CACNA1A: variants seen among roughly 807,000 people sequenced by gnomAD.
The protein encoded by CACNA1A is voltage-dependent P/Q-type calcium channel subunit alpha-1A.
Under a neutral mutation model 262.4 loss-of-function variants are expected in CACNA1A, and 57 were observed. The ratio of observed to expected loss-of-function variants is 0.22; its 90% CI spans 0.18 to 0.27. The LOEUF (loss-of-function observed/expected upper bound fraction) is 0.27. Among genes scored for constraint, CACNA1A ranks in the 10% least tolerant of loss-of-function variants. The pLI is 1.00. For missense variants in CACNA1A, 2,526 were observed against 3,562.8 expected (o/e 0.71, Z 7.41); for synonymous variants, 1,431 against 1,419.3 (o/e 1.01, Z -0.18).
chr19:13,490,802 A>G (rs556288986), intron 1 of CACNA1A, among the ~76,000 whole-genome samples: 14 of 151,020 alleles, frequency 9.3e-5, no homozygotes, highest in South Asian at 8.5e-4. Flanking sequence ...AAGAGAAAGG[A>G]AAAAGGAAGG....
In CACNA1A at chr19:13,439,299, G is replaced by A. The variant is rs534967023; in HGVS notation, c.539+13577C>T. ...AATTTGTTGTATTTTTAATAAAGAC[G>A]GGGTTTCACCATGTTAGCCAGGATG... On this transcript the variant is annotated intron_variant, in intron 3 of 46. Coordinates refer to ENST00000360228, the MANE Select transcript of CACNA1A (RefSeq NM_001127222.2). 1.1e-4 allele frequency among the ~76,000 whole-genome samples: 17 copies of A among 150,690 alleles called. 1 individual carries two copies. The highest frequency in any genetic ancestry group is 3.4e-4 in the African/African-American group (14 of 41,056).
intron 45 of CACNA1A, 91 bp from the exon 46 acceptor site, chr19:13,209,100 G>A (rs1283346379): frequency 6.6e-7 from 1 of 1,510,474 alleles, no homozygotes. Context: ...GGAAGGTGTG[G>A]GGGCCCTAGA....
chr19:13,209,500 T>G lies in CACNA1A; in HGVS notation c.6340-2A>C. The G allele has an allele frequency of 7.7e-7, 1 of 1,301,680 alleles. No individual in the cohort carries two copies. Among genetic ancestry groups the G allele is most frequent in the South Asian group, 2.9e-5 (1 of 34,622 alleles). The allele number at this position is 1,301,680 out of a possible 1,614,324, so 80.6% of individuals were successfully genotyped here. On this transcript the variant is annotated splice_acceptor_variant, in intron 44 of 46. Transcript: ENST00000360228. LOFTEE classifies it high-confidence loss of function. ...CATGGGGCTGGTGTCTGAGATGGTC[T>G]GGGGGAGGGGACAGGCCGGTGGGCT...
In CACNA1A at chr19:13,399,484, A is replaced by G. The variant is rs185545845; in HGVS notation, c.540-27705T>C. On this transcript the variant is annotated intron_variant, in intron 3 of 46. Coordinates refer to ENST00000360228, the MANE Select transcript of CACNA1A (RefSeq NM_001127222.2). ...TGTAGGGCTTGGGAAAGCAGGAGCA[A>G]AATGAACCTGAACCATATTATTCTT... 4.8e-4 allele frequency among the ~76,000 whole-genome samples: 73 copies of G among 152,190 alleles called. 2 individuals carry two copies. The East Asian group carries it at 0.014, about 28-fold the overall frequency.
intron 27 of CACNA1A, chr19:13,257,998 C>T (rs2056617705): frequency 6.4e-6 from 1 of 156,648 alleles, no homozygotes; most frequent in African/African-American, 2.4e-5. Flanking sequence ...CCTCGGTCTC[C>T]CAAACTGTTG....
intron 1 of CACNA1A, among the ~76,000 whole-genome samples, chr19:13,472,929 G>C (rs72999665): frequency 0.028 from 4,309 of 152,126 alleles, 87 homozygotes; most frequent in Middle Eastern, 0.061. Flanking sequence ...TATCTGACGG[G>C]CTCAAAATCC....
intron 3 of CACNA1A, among the ~76,000 whole-genome samples, chr19:13,431,380 T>C (rs758967703): frequency 1.3e-5 from 2 of 151,756 alleles, no homozygotes; most frequent in Non-Finnish European, 2.9e-5. Context: ...TGCTAACAGA[T>C]TGGATGCAGG....
At position 13,259,334 on chromosome 19, in the gene CACNA1A, TTTTTTTTTG is replaced by T. The variant is rs963666054; in HGVS notation, c.4388+221_4388+229del. ...CAGCTTTTTTTTTTTTTTTTTTTTTTTTTTTTTTGGGATTTTTAGTAGAAATGGAGTTTT... is the reference window on the plus strand; with the variant it reads ...CAGCTTTTTTTTTTTTTTTTTTTTTTGGATTTTTAGTAGAAATGGAGTTTT... On this transcript the variant is annotated intron_variant, in intron 27 of 46. Coordinates refer to ENST00000360228, the MANE Select transcript of CACNA1A (RefSeq NM_001127222.2). 22 of 107,874 alleles carry T rather than the reference TTTTTTTTTG, an allele frequency of 2.0e-4. 1 individual carries two copies. The highest frequency in any genetic ancestry group is 4.5e-4 in the East Asian group (1 of 2,200). 6.7% of individuals were successfully genotyped at this position (107,874 alleles called of 1,614,324 possible). A position where few individuals can be genotyped will look rare whatever the true frequency, so the allele number is the denominator to read the frequency against.
At chr19:13,479,723 G>A (rs1412399072) in intron 1 of CACNA1A, among the ~76,000 whole-genome samples, 2 of 152,224 alleles carry the variant, frequency 1.3e-5, no homozygotes, top group African/African-American at 4.8e-5. Context: ...GGAGTCAGGA[G>A]AGCCCATGTC....
At chr19:13,500,054 T>A (rs1006602585) in intron 1 of CACNA1A, among the ~76,000 whole-genome samples, 1 of 152,146 alleles carries the variant, frequency 6.6e-6, no homozygotes, top group Non-Finnish European at 1.5e-5. Context: ...GGCCGCTGCA[T>A]CCAATCTACT....
intron 26 of CACNA1A, 157 bp from the exon 27 acceptor site, chr19:13,259,858 T>C: frequency 1.4e-6 from 1 of 704,894 alleles, no homozygotes; most frequent in Non-Finnish European, 2.4e-6. Flanking sequence ...CATGTGTTCC[T>C]GTGCTTCATA....
chr19:13,416,447 C>T (rs1258032963), intron 3 of CACNA1A, among the ~76,000 whole-genome samples: 4 of 151,766 alleles, frequency 2.6e-5, no homozygotes, highest in African/African-American at 7.3e-5. Flanking sequence ...TTCGGGAGGC[C>T]GAGGCGGTGG....
chr19:13,208,676 G>A, intron 46 of CACNA1A, 80 bp downstream of exon 46: 6 of 1,442,394 alleles, frequency 4.2e-6, no homozygotes, highest in Non-Finnish European at 5.5e-6. Flanking sequence ...GCCTAGAGTG[G>A]CTGTTGGATG....
At chr19:13,417,386 G>A (rs1357209469) in intron 3 of CACNA1A, among the ~76,000 whole-genome samples, 1 of 152,190 alleles carries the variant, frequency 6.6e-6, no homozygotes, top group Non-Finnish European at 1.5e-5. Context: ...GTGACAGCAG[G>A]AAAGAGTCGC....
At chr19:13,493,978 CCTTT>C (rs1981204388) in intron 1 of CACNA1A, among the ~76,000 whole-genome samples, 1 of 152,194 alleles carries the variant, frequency 6.6e-6, no homozygotes, top group Non-Finnish European at 1.5e-5. Context: ...ACAAAACACC[CCTTT>C]CTCTGTCAAA....
intron 3 of CACNA1A, chr19:13,450,551 C>T (rs564350103): frequency 1.4e-4 from 22 of 152,362 alleles, no homozygotes; most frequent in African/African-American, 5.3e-4. Context: ...TCAGTAGACT[C>T]TCAGCTCCAT....
chr19:13,257,218 G>T, intron 28 of CACNA1A, 132 bp downstream of exon 28: 4 of 675,956 alleles, frequency 5.9e-6, no homozygotes, highest in Non-Finnish European at 1.0e-5. Context: ...CCTGAAGACT[G>T]GATTCGGTTG....
chr19:13,308,640 A>G lies in CACNA1A; in HGVS notation c.1669-112T>C. 1 of 621,218 alleles carries G rather than the reference A, an allele frequency of 1.6e-6. No individual in the cohort carries two copies. Among genetic ancestry groups the G allele is most frequent in the South Asian group, 2.1e-5 (1 of 47,068 alleles). 38.5% of individuals were successfully genotyped at this position (621,218 alleles called of 1,614,324 possible). ...AACTCAACCAAACTCCTCCCTCCAA[A>G]TGGAAGCCGGGTGAGGATCCTTGAC... On this transcript the variant is annotated intron_variant, in intron 12 of 46. Coordinates refer to ENST00000360228, the MANE Select transcript of CACNA1A (RefSeq NM_001127222.2). This position sits in a 1 kb window ranked among gnomAD's most constrained non-coding sequence, Gnocchi z 4.2.
chr19:13,209,620 G>GCCCCT, intron 44 of CACNA1A, 122 bp from the exon 45 acceptor site: 1 of 677,782 alleles, frequency 1.5e-6, no homozygotes, highest in Non-Finnish European at 2.1e-6. Context: ...GACCATCCTG[G>GCCCCT]GGCAGGGGCC....
Sources: allele counts gnomAD v4.1 joint callset (sites outside exome capture counted in the v4.1 genomes callset), GRCh38; gene constraint gnomAD v4.1.1; non-coding constraint Gnocchi (gnomAD v3.1); transcripts MANE v1.5; gene names NCBI Gene and HGNC (gene_info 2026-07-23, HGNC 2026-07-21).